Variants in EDIL3 observed in about 807,000 individuals in gnomAD.
The protein encoded by EDIL3 is EGF like and discoidin domains 3.
Under a neutral mutation model 67.4 loss-of-function variants are expected in EDIL3, and 37 were observed. The ratio of observed to expected loss-of-function variants is 0.55; its 90% CI spans 0.42 to 0.72. EDIL3 has a LOEUF of 0.72. Among genes scored for constraint, EDIL3 ranks in the 30% least tolerant of loss-of-function variants. The pLI is 0.00. For synonymous variants in EDIL3, 195 were observed against 196.3 expected (o/e 0.99, Z 0.05); for missense variants, 527 against 586.3 (o/e 0.90, Z 1.04).
intron 3 of EDIL3, among the ~76,000 whole-genome samples, chr5:84,200,715 A>T (rs1164279126): frequency 6.6e-6 from 1 of 152,104 alleles, no homozygotes; most frequent in Non-Finnish European, 1.5e-5. Context: ...ACAAATTTAT[A>T]TTCAGTCCAA....
chr5:84,317,864 A>T (rs1044200490), intron 1 of EDIL3, among the ~76,000 whole-genome samples: 4 of 152,208 alleles, frequency 2.6e-5, no homozygotes, highest in African/African-American at 9.6e-5. Flanking sequence ...GAAAAGAATA[A>T]GTCAAATTGT....
intron 9 of EDIL3, among the ~76,000 whole-genome samples, chr5:84,045,946 T>C (rs1746215521): frequency 1.3e-5 from 2 of 152,340 alleles, no homozygotes; most frequent in East Asian, 1.9e-4. Flanking sequence ...GAGGAAATAT[T>C]ACAAAAGTCT....
rs1008706406 is a variant in EDIL3 at position 84,148,985 on chromosome 5, A to C, written c.356-11631T>G. Among the ~76,000 whole-genome samples the C allele has an allele frequency of 1.9e-4, 29 of 151,842 alleles. 1 individual carries two copies. Among genetic ancestry groups the C allele is most frequent in the Non-Finnish European group, 3.2e-4 (22 of 67,944 alleles). On this transcript the variant is annotated intron_variant, in intron 4 of 10. Transcript: ENST00000296591. ...CAACAAAAACGACAAAAAAAAAAAA[A>C]AAAAAACCTCAGACAAAATACGTGA...
At chr5:84,104,300 A>G (rs1747419456) in intron 6 of EDIL3, among the ~76,000 whole-genome samples, 1 of 151,916 alleles carries the variant, frequency 6.6e-6, no homozygotes, top group South Asian at 2.1e-4. Context: ...TACCAGAGTA[A>G]CAAAATAATC....
At chr5:84,050,197 C>CAAAAAAAAA (rs11335643) in intron 9 of EDIL3, among the ~76,000 whole-genome samples, 2 of 60,852 alleles carry the variant, frequency 3.3e-5, no homozygotes, top group Non-Finnish European at 6.1e-5. Flanking sequence ...AACTCCATCT[C>CAAAAAAAAA]AAAAAAAAAA....
At chr5:84,023,368 T>C (rs990348197) in intron 9 of EDIL3, among the ~76,000 whole-genome samples, 2 of 152,062 alleles carry the variant, frequency 1.3e-5, no homozygotes, top group African/African-American at 4.8e-5. Flanking sequence ...TCATAAACAA[T>C]GTACAGAGTA....
At chr5:84,065,888 G>A (rs577220269) in intron 7 of EDIL3, among the ~76,000 whole-genome samples, 2 of 152,010 alleles carry the variant, frequency 1.3e-5, no homozygotes, top group Non-Finnish European at 2.9e-5. Flanking sequence ...GGCTGAGACC[G>A]GTGGATAAGG....
chr5:84,289,328 C>A (rs1253458873), intron 1 of EDIL3, among the ~76,000 whole-genome samples: 1 of 152,128 alleles, frequency 6.6e-6, no homozygotes, highest in Non-Finnish European at 1.5e-5. Flanking sequence ...AGCAAAACAG[C>A]TTAATCAGGG....
At chr5:84,044,233 GA>G (rs1746181750) in intron 9 of EDIL3, among the ~76,000 whole-genome samples, 1 of 152,058 alleles carries the variant, frequency 6.6e-6, no homozygotes, top group Non-Finnish European at 1.5e-5. Flanking sequence ...AGCACTCCAT[GA>G]AAAATAAGTT....
At chr5:84,212,684 C>T (rs578003129) in intron 3 of EDIL3, among the ~76,000 whole-genome samples, 1 of 152,080 alleles carries the variant, frequency 6.6e-6, no homozygotes, top group South Asian at 2.1e-4. Context: ...GAAAGGAAAG[C>T]GTACTCTAGA....
At chr5:84,138,620 A>G (rs2112317257) in intron 4 of EDIL3, among the ~76,000 whole-genome samples, 1 of 152,338 alleles carries the variant, frequency 6.6e-6, no homozygotes, top group Non-Finnish European at 1.5e-5. Context: ...AAAGGAAACA[A>G]GGAAAAAAGT....
At chr5:84,157,608 C>A (rs112045428) in intron 4 of EDIL3, among the ~76,000 whole-genome samples, 3,328 of 152,058 alleles carry the variant, frequency 0.022, 122 homozygotes, top group African/African-American at 0.076. Context: ...TCTATGTTTT[C>A]TCAAAATCAA....
intron 4 of EDIL3, among the ~76,000 whole-genome samples, chr5:84,169,029 C>G (rs1402644003): frequency 6.6e-6 from 1 of 152,178 alleles, no homozygotes; most frequent in East Asian, 1.9e-4. Flanking sequence ...GGATTCAATA[C>G]TTGCTAATCC....
chr5:84,294,113 G>C (rs1745984687), intron 1 of EDIL3, among the ~76,000 whole-genome samples: 1 of 151,108 alleles, frequency 6.6e-6, no homozygotes, highest in Admixed American at 6.6e-5. Flanking sequence ...GCCGGGTGCG[G>C]TGGCTCACGC....
At chr5:83,944,843 T>G (rs1322692608) in intron 10 of EDIL3, among the ~76,000 whole-genome samples, 1 of 151,972 alleles carries the variant, frequency 6.6e-6, no homozygotes, top group Non-Finnish European at 1.5e-5. Context: ...AACATAACTA[T>G]GTGGCCAGAG....
intron 9 of EDIL3, among the ~76,000 whole-genome samples, chr5:84,033,209 A>C (rs373392084): frequency 2.6e-5 from 4 of 152,270 alleles, no homozygotes; most frequent in East Asian, 3.9e-4. Flanking sequence ...TCCATGTTGC[A>C]TGGCTCTGCC....
intron 1 of EDIL3, among the ~76,000 whole-genome samples, chr5:84,371,341 A>ATATATATATATGTGTGTG (rs1008172581): frequency 7.7e-6 from 1 of 129,694 alleles, no homozygotes; most frequent in African/African-American, 2.7e-5. Context: ...ATATATATAT[A>ATATATATATATGTGTGTG]TGTGTGTGTG....
intron 5 of EDIL3, among the ~76,000 whole-genome samples, chr5:84,127,584 A>T (rs1333854007): frequency 6.6e-6 from 1 of 152,054 alleles, no homozygotes; most frequent in East Asian, 1.9e-4. Context: ...ACAATTATAT[A>T]AGGGCCATTA....
chr5:84,273,162 A>T (rs1012620528), intron 1 of EDIL3, among the ~76,000 whole-genome samples: 2 of 152,204 alleles, frequency 1.3e-5, no homozygotes, highest in Non-Finnish European at 2.9e-5. Context: ...TAGTAAGAGC[A>T]AGGAAATTTC....
Sources: allele counts gnomAD v4.1 joint callset (sites outside exome capture counted in the v4.1 genomes callset), GRCh38; gene constraint gnomAD v4.1.1; transcripts MANE v1.5; gene names NCBI Gene and HGNC (gene_info 2026-07-23, HGNC 2026-07-21).